DLG2: variants seen among roughly 807,000 people sequenced by gnomAD.
The protein encoded by DLG2 is disks large homolog 2.
Under a neutral mutation model 132.5 loss-of-function variants are expected in DLG2, and 45 were observed. The ratio of observed to expected loss-of-function variants is 0.34; its 90% CI spans 0.27 to 0.44. The LOEUF is 0.44. DLG2 is among the 20% of genes least tolerant of loss of function. The pLI is 1.00. For synonymous variants in DLG2, 424 were observed against 419.6 expected (o/e 1.01, Z -0.13); for missense variants, 1,045 against 1,196.9 (o/e 0.87, Z 1.87).
intron 6 of DLG2, among the ~76,000 whole-genome samples, chr11:84,542,896 C>A (rs1565248215): frequency 7.4e-6 from 1 of 135,876 alleles, no homozygotes; most frequent in South Asian, 2.5e-4. Flanking sequence ...TTTGTTTAAA[C>A]ACTTTGACAT....
At chr11:84,066,023 C>T (rs1296623557) in intron 10 of DLG2, among the ~76,000 whole-genome samples, 4 of 151,968 alleles carry the variant, frequency 2.6e-5, no homozygotes, top group African/African-American at 7.3e-5. Context: ...ACTTGGAGTA[C>T]GTATGGACAC....
intron 2 of DLG2, among the ~76,000 whole-genome samples, chr11:85,621,097 A>G (rs1286997997): frequency 6.6e-6 from 1 of 152,208 alleles, no homozygotes; most frequent in African/African-American, 2.4e-5. Context: ...TTTAAGAATT[A>G]TGCTAAATCT....
intron 16 of DLG2, among the ~76,000 whole-genome samples, chr11:83,855,577 A>G (rs1408441840): frequency 3.9e-5 from 6 of 152,254 alleles, no homozygotes; most frequent in Non-Finnish European, 8.8e-5. Flanking sequence ...TGAAAAGGCT[A>G]CATACTGTAT....
At chr11:83,641,538 A>G (rs1173530544) in intron 18 of DLG2, among the ~76,000 whole-genome samples, 1 of 152,170 alleles carries the variant, frequency 6.6e-6, no homozygotes, top group Non-Finnish European at 1.5e-5. Flanking sequence ...CTTTAGAGGT[A>G]CACTTAGAGC....
chr11:83,887,652 A>T, intron 15 of DLG2, among the ~76,000 whole-genome samples: 1 of 151,818 alleles, frequency 6.6e-6, no homozygotes, highest in Non-Finnish European at 1.5e-5. Flanking sequence ...AACAAAAAAG[A>T]GAATTTTAGA....
intron 6 of DLG2, among the ~76,000 whole-genome samples, chr11:84,927,164 T>C (rs978620630): frequency 6.6e-6 from 1 of 152,012 alleles, no homozygotes; most frequent in Non-Finnish European, 1.5e-5. Context: ...TAAAGCAATA[T>C]GCAACTACAA....
At chr11:84,466,230 A>G (rs1427169478) in intron 7 of DLG2, among the ~76,000 whole-genome samples, 1 of 151,358 alleles carries the variant, frequency 6.6e-6, no homozygotes, top group African/African-American at 2.4e-5. Flanking sequence ...ATGTACAAGT[A>G]TTAGAAGAAA....
chr11:83,598,149 C>A (rs2153361944), intron 19 of DLG2, among the ~76,000 whole-genome samples: 1 of 152,216 alleles, frequency 6.6e-6, no homozygotes, highest in South Asian at 2.1e-4. Flanking sequence ...TTTGCATGGG[C>A]AAGATGGCAC....
At chr11:83,757,529 G>A (rs1287981175) in intron 18 of DLG2, among the ~76,000 whole-genome samples, 5 of 152,178 alleles carry the variant, frequency 3.3e-5, no homozygotes, top group African/African-American at 9.6e-5. Context: ...CCACCATGTT[G>A]TAAAGCAAAC....
Position 85,305,239 on chromosome 11 carries a change from TAA to T in DLG2, c.41-19876_41-19875del, listed in dbSNP as rs1297447669. Among the ~76,000 whole-genome samples, 5 of 152,360 alleles carry T rather than the reference TAA, an allele frequency of 3.3e-5. No individual in the cohort carries two copies. In the East Asian group the frequency reaches 9.6e-4, roughly 29 times the overall value. On this transcript the variant is annotated intron_variant, in intron 3 of 27. Transcript: ENST00000376104. The stretch of plus-strand genomic sequence containing the variant: ...CTCTTTAAATGTCACAGGCTATTGA[TAA>T]AGTTTGGCTGAAACTAAGCTGCTAC...
At chr11:84,191,021 C>G (rs1388823788) in intron 8 of DLG2, among the ~76,000 whole-genome samples, 2 of 151,930 alleles carry the variant, frequency 1.3e-5, no homozygotes, top group Non-Finnish European at 2.9e-5. Context: ...AACATCAGTT[C>G]AAAAAAATGG....
chr11:85,263,002 G>C (rs2077022312), intron 4 of DLG2, among the ~76,000 whole-genome samples: 1 of 152,100 alleles, frequency 6.6e-6, no homozygotes, highest in East Asian at 1.9e-4. Flanking sequence ...TCCCATGGTG[G>C]GACCAAAAAG....
intron 9 of DLG2, among the ~76,000 whole-genome samples, chr11:84,148,606 C>T (rs2095177700): frequency 6.6e-6 from 1 of 152,010 alleles, no homozygotes; most frequent in African/African-American, 2.4e-5. Context: ...ATTTTCTTTA[C>T]CCAATCCACC....
chr11:84,083,496 A>G (rs918484141), intron 10 of DLG2, among the ~76,000 whole-genome samples: 1 of 152,204 alleles, frequency 6.6e-6, no homozygotes, highest in African/African-American at 2.4e-5. Context: ...TTAATTCCCA[A>G]TGCAACAGTG....
chr11:85,088,743 A>G (rs2068318275), intron 6 of DLG2, among the ~76,000 whole-genome samples: 1 of 152,186 alleles, frequency 6.6e-6, no homozygotes, highest in African/African-American at 2.4e-5. Flanking sequence ...TAAGCTTGTT[A>G]AAGAAAAATC....
intron 3 of DLG2, among the ~76,000 whole-genome samples, chr11:85,523,598 T>C (rs2074493746): frequency 6.6e-6 from 1 of 152,118 alleles, no homozygotes; most frequent in Non-Finnish European, 1.5e-5. Flanking sequence ...GATGAGGATG[T>C]AGAGAAAAGG....
At chr11:84,170,498 C>CT (rs1276818703) in intron 8 of DLG2, among the ~76,000 whole-genome samples, 2 of 152,130 alleles carry the variant, frequency 1.3e-5, no homozygotes, top group Non-Finnish European at 2.9e-5. Context: ...TGTCTATAGA[C>CT]TGCAGCAGCT....
intron 3 of DLG2, among the ~76,000 whole-genome samples, chr11:85,414,436 T>C (rs1438144800): frequency 1.3e-5 from 2 of 151,904 alleles, no homozygotes; most frequent in Non-Finnish European, 2.9e-5. Context: ...CAGTACTGAG[T>C]TGAAGAGAGG....
intron 12 of DLG2, among the ~76,000 whole-genome samples, chr11:83,977,097 T>C (rs556300029): frequency 1.4e-4 from 22 of 152,116 alleles, no homozygotes; most frequent in Non-Finnish European, 2.5e-4. Flanking sequence ...ACAATGCTAG[T>C]ATTAATTAGC....
Sources: allele counts gnomAD v4.1 joint callset (sites outside exome capture counted in the v4.1 genomes callset), GRCh38; gene constraint gnomAD v4.1.1; transcripts MANE v1.5; gene names NCBI Gene and HGNC (gene_info 2026-07-23, HGNC 2026-07-21).